Variants in CYFIP1 observed in about 807,000 individuals in gnomAD.
CYFIP1 encodes the protein cytoplasmic FMR1-interacting protein 1.
In CYFIP1, 58 loss-of-function variants were observed where a neutral mutation model predicts 163.5. The ratio of observed to expected loss-of-function variants is 0.35; its 90% CI spans 0.29 to 0.44. The LOEUF (loss-of-function observed/expected upper bound fraction) is 0.44. Among genes scored for constraint, CYFIP1 ranks in the 20% least tolerant of loss-of-function variants. CYFIP1 has a pLI of 1.00. For missense variants in CYFIP1, 1,338 were observed against 1,653.8 expected (o/e 0.81, Z 3.31); for synonymous variants, 663 against 660.7 (o/e 1.00, Z -0.05).
chr15:22,947,331 G>T, intron 1 of CYFIP1, 40 bp from the exon 2 acceptor site: 1 of 1,596,570 alleles, frequency 6.3e-7, no homozygotes, highest in Non-Finnish European at 8.6e-7. Context: ...GTGAGGAGAA[G>T]GAGGGGACAC....
In CYFIP1 at chr15:22,909,672, T is replaced by C. The variant is rs2060715012; in HGVS notation, c.2269-359A>G. On this transcript the variant is annotated intron_variant, in intron 20 of 30. Coordinates refer to ENST00000617928, the MANE Select transcript of CYFIP1 (RefSeq NM_014608.6). ...AAATGCAATTTTTTTTAGTTTTCCA[T>C]ATTTTACTAACTAGTTTTGTGTGTG... Among the ~76,000 whole-genome samples the C allele has an allele frequency of 2.0e-5, 3 of 152,206 alleles. No individual in the cohort carries two copies. In the South Asian group the frequency reaches 6.2e-4, roughly 32 times the overall value.
intron 1 of CYFIP1, among the ~76,000 whole-genome samples, chr15:22,950,790 G>A (rs1021565555): frequency 6.6e-6 from 1 of 152,212 alleles, no homozygotes; most frequent in Non-Finnish European, 1.5e-5. Context: ...GCATGGGACT[G>A]CAGCGGTATG....
chr15:22,979,825 C>T (rs1193887966), intron 1 of CYFIP1, among the ~76,000 whole-genome samples: 1 of 152,214 alleles, frequency 6.6e-6, no homozygotes, highest in African/African-American at 2.4e-5. Flanking sequence ...GAAACAAAAA[C>T]GGGTTCAGAT....
At chr15:22,933,549 C>G (rs940103521) in intron 10 of CYFIP1, among the ~76,000 whole-genome samples, 1 of 149,780 alleles carries the variant, frequency 6.7e-6, no homozygotes, top group Non-Finnish European at 1.5e-5. Context: ...CTCCTGACCT[C>G]GTGATCCGCC....
chr15:22,965,589 G>A lies in CYFIP1; in HGVS notation c.-7+14698C>T, dbSNP rs375730725. Among the ~76,000 whole-genome samples, 104 of 152,334 alleles carry A rather than the reference G, an allele frequency of 6.8e-4. 1 individual carries two copies. In the South Asian group the frequency reaches 0.021, roughly 31 times the overall value. ...CTGGGTGTGTGTAAGTGCCCTTTAT[G>A]ATGCCCACACAATGACAAAAGTGCC... On this transcript the variant is annotated intron_variant, in intron 1 of 30. Coordinates refer to ENST00000617928, the MANE Select transcript of CYFIP1 (RefSeq NM_014608.6).
intron 30 of CYFIP1, among the ~76,000 whole-genome samples, chr15:22,871,107 CCT>C (rs1471116663): frequency 1.3e-5 from 2 of 152,018 alleles, no homozygotes; most frequent in Non-Finnish European, 2.9e-5. Flanking sequence ...CTAAAGCGGC[CCT>C]GAGTTGGTAG....
chr15:22,873,600 G>A lies in CYFIP1; in HGVS notation c.3340C>T (p.Pro1114Ser). The A allele has an allele frequency of 8.1e-6, 13 of 1,614,256 alleles. No homozygotes were observed. The highest frequency in any genetic ancestry group is 1.1e-5 in the Non-Finnish European group (13 of 1,180,034). The change falls in exon 29 of 31, where the codon CCC (proline) becomes TCC (serine). Residue 1114 changes from proline to serine, a missense_variant. Pro to Ser is a moderately conservative substitution (Grantham distance 74, BLOSUM62 -1). Around this residue, in one of 4 missense-constraint regions of CYFIP1, gnomAD observed 306 missense variants for 322.1 expected, o/e 0.95. Coordinates refer to ENST00000617928, the MANE Select transcript of CYFIP1 (RefSeq NM_014608.6). Reference protein sequence around the residue: ...LDDPIWRGPLPSNGVMHVDEC... With the variant: ...LDDPIWRGPLSSNGVMHVDEC... Reference sequence around the variant, plus strand: ...TCCACATGCATGACCCCATTGCTGGGCAGAGGCCCGCGCCAGATGGGGTCA... The same window carrying A: ...TCCACATGCATGACCCCATTGCTGGACAGAGGCCCGCGCCAGATGGGGTCA...
chr15:22,946,933 A>G (rs1285879034), intron 3 of CYFIP1, 70 bp downstream of exon 3: 11 of 1,351,796 alleles, frequency 8.1e-6, no homozygotes, highest in Admixed American at 1.7e-5. Context: ...GATAATACCA[A>G]AAAGTATACA....
rs750307568 is a variant in CYFIP1, at chr15:22,927,918, G to T, written c.1221C>A (p.His407Gln). ...GLQLLSQWSA[H>Q]VMEVYSWKLV... is the part of the protein sequence containing the mutation. ...GGACGGGGCCTACCACTTCCATCACGTGCGCGCTCCACTGCGACAACAGCT... is the reference window on the plus strand; with the variant it reads ...GGACGGGGCCTACCACTTCCATCACTTGCGCGCTCCACTGCGACAACAGCT... The change falls in exon 12 of 31, where the codon CAC becomes CAA. Residue 407 changes from histidine (H) to glutamine (Q), a missense_variant. Coordinates refer to ENST00000617928, the MANE Select transcript of CYFIP1 (RefSeq NM_014608.6). 121 of 1,605,976 alleles carry T rather than the reference G, an allele frequency of 7.5e-5. No individual in the cohort carries two copies. Among genetic ancestry groups the T allele is most frequent in the Non-Finnish European group, 9.5e-5 (112 of 1,177,984 alleles).
chr15:22,895,491 A>G (rs577974278), intron 22 of CYFIP1, among the ~76,000 whole-genome samples: 1 of 152,172 alleles, frequency 6.6e-6, no homozygotes, highest in South Asian at 2.1e-4. Context: ...CTTCTTCTTG[A>G]TTTATCAAGT....
chr15:22,958,591 C>A (rs1366095814), intron 1 of CYFIP1, among the ~76,000 whole-genome samples: 1 of 152,204 alleles, frequency 6.6e-6, no homozygotes, highest in Non-Finnish European at 1.5e-5. Context: ...GCTGCAGCCC[C>A]TTCGGCCAGG....
chr15:22,935,970 A>G (rs767566447), intron 9 of CYFIP1, among the ~76,000 whole-genome samples: 1 of 152,208 alleles, frequency 6.6e-6, no homozygotes, highest in Non-Finnish European at 1.5e-5. Context: ...AGGGGAGAAT[A>G]CATGTATATT....
chr15:22,871,777 G>A (rs542665205), intron 30 of CYFIP1, among the ~76,000 whole-genome samples: 12 of 152,132 alleles, frequency 7.9e-5, no homozygotes, highest in Non-Finnish European at 1.6e-4. Flanking sequence ...AGAAGGAAGG[G>A]GGACCCAGTC....
chr15:22,968,478 G>A (rs2062984506), intron 1 of CYFIP1, among the ~76,000 whole-genome samples: 1 of 152,096 alleles, frequency 6.6e-6, no homozygotes, highest in South Asian at 2.1e-4. Context: ...TTAGCCTATG[G>A]GCCTGCCTTG....
intron 5 of CYFIP1, among the ~76,000 whole-genome samples, chr15:22,944,355 G>A (rs957492748): frequency 2.0e-5 from 3 of 151,896 alleles, no homozygotes; most frequent in South Asian, 2.1e-4. Flanking sequence ...GAGAAGAGAA[G>A]TGAACCACAA....
At chr15:22,956,959 GA>G (rs2062481707) in intron 1 of CYFIP1, among the ~76,000 whole-genome samples, 1 of 152,224 alleles carries the variant, frequency 6.6e-6, no homozygotes, top group South Asian at 2.1e-4. Flanking sequence ...CACAGGGACC[GA>G]ACAGTCATCT....
intron 23 of CYFIP1, among the ~76,000 whole-genome samples, chr15:22,887,031 C>T (rs1274925866): frequency 6.6e-6 from 1 of 152,146 alleles, no homozygotes; most frequent in Non-Finnish European, 1.5e-5. Context: ...TATGTAATCT[C>T]CCTGGCAATA....
chr15:22,937,387 C>A (rs1469250674), intron 8 of CYFIP1, among the ~76,000 whole-genome samples, 179 bp from the exon 9 acceptor site: 1 of 152,030 alleles, frequency 6.6e-6, no homozygotes, highest in Non-Finnish European at 1.5e-5. Context: ...CTCAGTGAAA[C>A]TGGGATACAA....
chr15:22,957,531 G>A (rs2062514382), intron 1 of CYFIP1, among the ~76,000 whole-genome samples: 1 of 152,152 alleles, frequency 6.6e-6, no homozygotes, highest in African/African-American at 2.4e-5. Flanking sequence ...AGCTACTAGG[G>A]AGGCTGAGGC....
Sources: gnomAD v4.1 joint callset for allele counts (sites outside exome capture counted in the v4.1 genomes callset) on GRCh38, gnomAD v4.1.1 for gene constraint, gnomAD v4.1.1 regional missense constraint, MANE v1.5 for transcripts, NCBI Gene and HGNC (gene_info 2026-07-23, HGNC 2026-07-21) for gene names.